Variants in NKAIN3 observed in about 807,000 individuals in gnomAD.
NKAIN3 encodes the protein sodium/potassium-transporting ATPase subunit beta-1-interacting protein 3.
A neutral mutation model predicts 30.2 loss-of-function variants in NKAIN3; 25 were observed. That is an observed-to-expected ratio of 0.83 (90% CI 0.60 to 1.16). The LOEUF is 1.16. NKAIN3 is among the 50% of genes most tolerant of loss of function. The pLI, the probability that NKAIN3 is intolerant of heterozygous loss-of-function variation, is 0.00. For missense variants in NKAIN3, 225 were observed against 254.1 expected (o/e 0.89, Z 0.78); for synonymous variants, 91 against 89.6 (o/e 1.02, Z -0.09).
chr8:62,933,618 C>G (rs1344649959), intron 5 of NKAIN3, among the ~76,000 whole-genome samples: 1 of 152,056 alleles, frequency 6.6e-6, no homozygotes, highest in Non-Finnish European at 1.5e-5. Flanking sequence ...ATTCATTATC[C>G]TATTATTTAA....
chr8:62,769,936 A>G (rs2127561), intron 4 of NKAIN3, among the ~76,000 whole-genome samples: 134,696 of 152,214 alleles, frequency 0.88, 59,737 homozygotes, highest in African/African-American at 0.91. Context: ...AACCTAAGAT[A>G]ACTCAATAAT....
In NKAIN3 at chr8:62,806,134, C is replaced by G. The variant is rs573121649; in HGVS notation, c.471+59005C>G. 2.0e-5 allele frequency among the ~76,000 whole-genome samples: 3 copies of G among 152,270 alleles called. No individual in the cohort carries two copies. The South Asian group carries it at 6.2e-4, about 32-fold the overall frequency. ...ATCTCACACCAGTTAGAATGGCAAT[C>G]ATTAAAAAGTTAGGAAACAACAGGT... On this transcript the variant is annotated intron_variant, in intron 4 of 6. Transcript: ENST00000623646.
intron 4 of NKAIN3, among the ~76,000 whole-genome samples, chr8:62,782,479 A>T (rs1337896463): frequency 2.0e-5 from 3 of 152,034 alleles, no homozygotes; most frequent in African/African-American, 7.2e-5. Context: ...TCACATGTCT[A>T]TCTCAGCACT....
intron 4 of NKAIN3, among the ~76,000 whole-genome samples, chr8:62,857,578 G>A (rs1820101373): frequency 6.6e-6 from 1 of 152,046 alleles, no homozygotes; most frequent in Non-Finnish European, 1.5e-5. Context: ...TTTTCTGCCA[G>A]TCTTATTTCA....
Position 62,885,231 on chromosome 8 carries a change from T to C in NKAIN3, c.472-33222T>C, listed in dbSNP as rs79619352. On this transcript the variant is annotated intron_variant, in intron 4 of 6. Coordinates refer to ENST00000623646, the MANE Select transcript of NKAIN3 (RefSeq NM_001304533.3). ...TTTTTAAAACTTCCTTTGAGGCTTC[T>C]TCTTTGACTCATGTTATTTCGAAGG... 9.5e-3 allele frequency among the ~76,000 whole-genome samples: 1,446 copies of C among 152,378 alleles called. 23 individuals are homozygous for C. The highest frequency in any genetic ancestry group is 0.034 in the African/African-American group (1,404 of 41,592).
At chr8:62,728,672 C>T (rs1815342939) in intron 3 of NKAIN3, among the ~76,000 whole-genome samples, 2 of 147,346 alleles carry the variant, frequency 1.4e-5, no homozygotes, top group South Asian at 4.3e-4. Context: ...TCTCAAAAAA[C>T]AAAAAAACAA....
At chr8:62,960,915 G>A (rs1823553793) in intron 6 of NKAIN3, among the ~76,000 whole-genome samples, 1 of 152,136 alleles carries the variant, frequency 6.6e-6, no homozygotes, top group South Asian at 2.1e-4. Flanking sequence ...GAAAGAGGGA[G>A]ATGATCTCAA....
At chr8:62,558,936 GA>G (rs1585945020) in intron 1 of NKAIN3, among the ~76,000 whole-genome samples, 1 of 151,968 alleles carries the variant, frequency 6.6e-6, no homozygotes, top group East Asian at 1.9e-4. Flanking sequence ...TTTATTTGAA[GA>G]TAGCTTAATT....
At chr8:62,368,212 A>G (rs1816798032) in intron 1 of NKAIN3, among the ~76,000 whole-genome samples, 1 of 152,184 alleles carries the variant, frequency 6.6e-6, no homozygotes, top group Non-Finnish European at 1.5e-5. Flanking sequence ...ATATAAATAG[A>G]AAGAACACTT....
intron 1 of NKAIN3, among the ~76,000 whole-genome samples, chr8:62,491,985 T>C (rs1311570654): frequency 6.6e-6 from 1 of 152,106 alleles, no homozygotes; most frequent in Admixed American, 6.6e-5. Context: ...AAATGGGAAC[T>C]AAAATTATCC....
At chr8:62,448,703 A>G (rs1267679146) in intron 1 of NKAIN3, among the ~76,000 whole-genome samples, 3 of 151,980 alleles carry the variant, frequency 2.0e-5, no homozygotes, top group Non-Finnish European at 4.4e-5. Context: ...CTGCTAGTCA[A>G]TAATGGAAGA....
chr8:62,602,509 C>T (rs1811010227), intron 3 of NKAIN3, among the ~76,000 whole-genome samples: 1 of 152,012 alleles, frequency 6.6e-6, no homozygotes, highest in African/African-American at 2.4e-5. Flanking sequence ...TGCCCCAAAC[C>T]CTCTTTCTGT....
intron 3 of NKAIN3, among the ~76,000 whole-genome samples, chr8:62,608,013 T>TA: frequency 6.6e-6 from 1 of 152,268 alleles, no homozygotes; most frequent in Admixed American, 6.5e-5. Flanking sequence ...TGTAACTATT[T>TA]AAAAAAATTG....
chr8:62,838,839 G>T (rs1291493290), intron 4 of NKAIN3, among the ~76,000 whole-genome samples: 2 of 152,086 alleles, frequency 1.3e-5, no homozygotes, highest in Admixed American at 1.3e-4. Flanking sequence ...GTTTCTGGGG[G>T]ATCACCAGAA....
rs533564786 is a variant in NKAIN3, at chr8:62,249,208, G to A, written c.54+81G>A. On this transcript the variant is annotated intron_variant, in intron 1 of 6. Transcript: ENST00000623646. ...CTGCGACTCCCTCTGCGGTTCCGCA[G>A]CTCCCGGCAAGGGGCGAACGGGTGA... is the stretch of plus-strand genomic sequence containing the variant. The A allele has an allele frequency of 1.0e-4, 127 of 1,246,670 alleles. No homozygotes were observed. The African/African-American group carries it at 1.7e-3, about 16-fold the overall frequency. 77.2% of individuals were successfully genotyped at this position (1,246,670 alleles called of 1,614,324 possible).
chr8:62,598,330 C>T (rs146213440), intron 3 of NKAIN3, among the ~76,000 whole-genome samples: 8 of 152,050 alleles, frequency 5.3e-5, no homozygotes, highest in Admixed American at 1.3e-4. Context: ...TAAAGCTGCC[C>T]CCTGTGGGTG....
intron 1 of NKAIN3, among the ~76,000 whole-genome samples, chr8:62,477,053 ACT>A (rs1360620430): frequency 2.0e-5 from 3 of 152,040 alleles, no homozygotes; most frequent in Admixed American, 2.0e-4. Flanking sequence ...ATCAGAGGAA[ACT>A]CTTACAGATC....
chr8:62,948,947 G>C (rs554916994), intron 5 of NKAIN3, among the ~76,000 whole-genome samples: 84 of 152,268 alleles, frequency 5.5e-4, no homozygotes, highest in African/African-American at 1.9e-3. Flanking sequence ...CACAGAGGAG[G>C]ATCCAAGTAT....
intron 5 of NKAIN3, among the ~76,000 whole-genome samples, chr8:62,937,728 A>G (rs957517397): frequency 7.9e-5 from 12 of 152,106 alleles, no homozygotes; most frequent in African/African-American, 2.9e-4. Context: ...ATACAACCAC[A>G]GAAGCCTCAG....
Sources: allele counts gnomAD v4.1 joint callset (sites outside exome capture counted in the v4.1 genomes callset), GRCh38; gene constraint gnomAD v4.1.1; transcripts MANE v1.5; gene names NCBI Gene and HGNC (gene_info 2026-07-23, HGNC 2026-07-21).